The following FILIP1 variants were observed in gnomAD, a reference collection of about 807,000 sequenced individuals.
FILIP1 encodes filamin-A-interacting protein 1.
A neutral mutation model predicts 102.1 loss-of-function variants in FILIP1; 61 were observed. That is an observed-to-expected ratio of 0.60 (90% CI 0.49 to 0.74). FILIP1 has a LOEUF of 0.74. Among genes scored for constraint, FILIP1 ranks in the 30% least tolerant of loss-of-function variants. The pLI, the probability that FILIP1 is intolerant of heterozygous loss-of-function variation, is 0.00. For missense variants in FILIP1, 1,314 were observed against 1,441.2 expected (o/e 0.91, Z 1.43); for synonymous variants, 491 against 526.9 (o/e 0.93, Z 0.93).
chr6:75,337,465 A>T (rs986043433), intron 4 of FILIP1, among the ~76,000 whole-genome samples: 15 of 152,222 alleles, frequency 9.9e-5, no homozygotes, highest in Admixed American at 6.5e-5. Context: ...CTAGTTTAGC[A>T]TATGGCAAGT....
intron 4 of FILIP1, among the ~76,000 whole-genome samples, chr6:75,331,920 C>T (rs1006106030): frequency 2.0e-5 from 3 of 152,040 alleles, no homozygotes; most frequent in African/African-American, 4.8e-5. Flanking sequence ...AAGGTGGAGC[C>T]CTCATGAATG....
intron 2 of FILIP1, among the ~76,000 whole-genome samples, chr6:75,393,652 T>A (rs942775563): frequency 6.6e-6 from 1 of 152,160 alleles, no homozygotes; most frequent in Non-Finnish European, 1.5e-5. Flanking sequence ...AAAAGTGACA[T>A]TTCATATCAT....
rs749651637 is a variant in FILIP1, at chr6:75,414,799, G to A, written c.174C>T (p.His58=). The part of the protein sequence containing the change: ...DVMASGTVKR[H]LKTSGECERK... Reference sequence around the variant, plus strand: ...GTTCACATTCTCCAGATGTTTTTAGGTGTCGTTTGACAGTTCCTGAGGCCA... The same window carrying A: ...GTTCACATTCTCCAGATGTTTTTAGATGTCGTTTGACAGTTCCTGAGGCCA... Residue 58 remains histidine, a synonymous_variant, in exon 2 of 6, where the codon CAC becomes CAT. Coordinates refer to ENST00000237172, the MANE Select transcript of FILIP1 (RefSeq NM_015687.5). 1.2e-6 allele frequency: 2 copies of A among 1,613,796 alleles called. No individual in the cohort carries two copies. The highest frequency in any genetic ancestry group is 1.1e-5 in the South Asian group (1 of 91,060).
At chr6:75,403,662 G>T (rs1368211538) in intron 2 of FILIP1, among the ~76,000 whole-genome samples, 1 of 152,060 alleles carries the variant, frequency 6.6e-6, no homozygotes, top group Non-Finnish European at 1.5e-5. Flanking sequence ...ATGTGAGTAT[G>T]GGGAAAAAAT....
At chr6:75,466,100 A>G (rs947395878) in intron 1 of FILIP1, among the ~76,000 whole-genome samples, 1 of 152,140 alleles carries the variant, frequency 6.6e-6, no homozygotes, top group African/African-American at 2.4e-5. Flanking sequence ...TTGCTCAAAC[A>G]TTACCTGCTC....
Position 75,313,397 on chromosome 6 carries a change from C to A in FILIP1, c.2435G>T (p.Gly812Val), listed in dbSNP as rs768337770. 2 of 1,614,238 alleles carry A rather than the reference C, an allele frequency of 1.2e-6. No homozygotes were observed. Among genetic ancestry groups the A allele is most frequent in the Non-Finnish European group, 8.5e-7 (1 of 1,180,040 alleles). The change falls in exon 5 of 6, where the codon GGT (glycine) becomes GTT (valine). Residue 812 changes from glycine (G) to valine (V), a missense_variant. Coordinates refer to ENST00000237172, the MANE Select transcript of FILIP1 (RefSeq NM_015687.5). This position sits in a 1 kb window ranked among gnomAD's most constrained non-coding sequence, Gnocchi z 4.2. ...TGGCGTTTCTTCCTCTGCTGCTTCA[C>A]CGCTGACTGCATCAGTTTGGACTCC... ...STGVQTDAVS[G>V]EAAEEETPAV...
downstream of FILIP1, among the ~76,000 whole-genome samples, chr6:75,306,741 A>G (rs918455609): frequency 7.7e-6 from 1 of 129,052 alleles, no homozygotes; most frequent in Non-Finnish European, 1.7e-5. Flanking sequence ...ATGGCTCCTC[A>G]ATTTTCTTTT....
At chr6:75,336,808 T>C (rs1774258849) in intron 4 of FILIP1, among the ~76,000 whole-genome samples, 1 of 152,180 alleles carries the variant, frequency 6.6e-6, no homozygotes, top group African/African-American at 2.4e-5. Flanking sequence ...AACTCCACTA[T>C]TGAGACTCAC....
chr6:75,464,970 A>T (rs1179662318), intron 1 of FILIP1, among the ~76,000 whole-genome samples: 5 of 152,184 alleles, frequency 3.3e-5, no homozygotes, highest in Non-Finnish European at 7.3e-5. Context: ...TACTATTGCT[A>T]CCACCCTGGA....
intron 1 of FILIP1, among the ~76,000 whole-genome samples, chr6:75,441,380 C>G (rs1360500708): frequency 1.3e-5 from 2 of 152,208 alleles, no homozygotes; most frequent in Non-Finnish European, 2.9e-5. Context: ...ATGTCTACTT[C>G]TTTCTACACA....
intron 4 of FILIP1, among the ~76,000 whole-genome samples, chr6:75,343,218 A>T (rs1390035018): frequency 6.6e-6 from 1 of 152,192 alleles, no homozygotes; most frequent in Non-Finnish European, 1.5e-5. Context: ...AAGAGGTCTC[A>T]CCAGAACCCA....
intron 3 of FILIP1, 49 bp downstream of exon 3, chr6:75,362,695 A>ATCTC: frequency 6.4e-7 from 1 of 1,566,682 alleles, no homozygotes; most frequent in Non-Finnish European, 8.7e-7. Context: ...ATGTGAAGAT[A>ATCTC]TCTCCCTGAG....
At chr6:75,293,416 T>G (rs1435968424) in exon 7 of FILIP1, 1 of 152,222 alleles carries the variant, frequency 6.6e-6, no homozygotes, top group Non-Finnish European at 1.5e-5. Flanking sequence ...CAGTGTTTTC[T>G]GGGGGTTTTT....
At chr6:75,487,445 T>C (rs544153351) in intron 1 of FILIP1, among the ~76,000 whole-genome samples, 3 of 152,130 alleles carry the variant, frequency 2.0e-5, no homozygotes. Flanking sequence ...CTTGGTACCA[T>C]GGTCAAAGAG....
chr6:75,346,386 A>G (rs1410307660), intron 4 of FILIP1, among the ~76,000 whole-genome samples: 2 of 152,196 alleles, frequency 1.3e-5, no homozygotes, highest in Admixed American at 1.3e-4. Flanking sequence ...TAGCTCATTA[A>G]CTTTGAGAAT....
intron 2 of FILIP1, among the ~76,000 whole-genome samples, chr6:75,391,395 C>T (rs1191440783): frequency 6.6e-6 from 1 of 152,082 alleles, no homozygotes; most frequent in Non-Finnish European, 1.5e-5. Flanking sequence ...ACACTATATT[C>T]CTTCGGTCCA....
At chr6:75,435,731 T>C (rs1487450726) in intron 1 of FILIP1, among the ~76,000 whole-genome samples, 1 of 152,246 alleles carries the variant, frequency 6.6e-6, no homozygotes, top group Non-Finnish European at 1.5e-5. Context: ...TCTTGATTTC[T>C]GCTGAGTGAC....
chr6:75,472,495 G>C (rs1041499728), intron 1 of FILIP1, among the ~76,000 whole-genome samples: 19 of 152,004 alleles, frequency 1.2e-4, no homozygotes, highest in Non-Finnish European at 2.4e-4. Flanking sequence ...TGCATGTTTT[G>C]TGATAAGATG....
intron 1 of FILIP1, among the ~76,000 whole-genome samples, chr6:75,461,584 A>C (rs900349512): frequency 6.6e-6 from 1 of 152,226 alleles, no homozygotes; most frequent in African/African-American, 2.4e-5. Flanking sequence ...TTTGTAACAT[A>C]GTTTCCCTCA....
Sources: allele counts gnomAD v4.1 joint callset (sites outside exome capture counted in the v4.1 genomes callset), GRCh38; gene constraint gnomAD v4.1.1; non-coding constraint Gnocchi (gnomAD v3.1); transcripts MANE v1.5; gene names NCBI Gene and HGNC (gene_info 2026-07-23, HGNC 2026-07-21).